The following NVL variants were observed in gnomAD, a reference collection of about 807,000 sequenced individuals.
NVL encodes nuclear VCP like.
In NVL, 84 loss-of-function variants were observed where a neutral mutation model predicts 110.2. The ratio of observed to expected loss-of-function variants is 0.76; its 90% CI spans 0.64 to 0.91. The LOEUF is 0.91. NVL is among the 40% of genes least tolerant of loss of function. NVL has a pLI of 0.00. For missense variants in NVL, 882 were observed against 1,035.9 expected (o/e 0.85, Z 2.04); for synonymous variants, 354 against 361.1 (o/e 0.98, Z 0.22).
chr1:224,306,279 T>G (rs1238425434), intron 6 of NVL, among the ~76,000 whole-genome samples: 2 of 152,134 alleles, frequency 1.3e-5, no homozygotes, highest in African/African-American at 4.8e-5. Context: ...AAAATTTTTT[T>G]TTTTTGAGAC....
At chr1:224,259,458 AT>A (rs1663703051) in intron 18 of NVL, among the ~76,000 whole-genome samples, 1 of 152,160 alleles carries the variant, frequency 6.6e-6, no homozygotes, top group East Asian at 1.9e-4. Flanking sequence ...ACTCAAAACC[AT>A]TGAATGATAT....
intron 6 of NVL, among the ~76,000 whole-genome samples, chr1:224,306,263 TAAA>T (rs1282748495): frequency 8.2e-4 from 124 of 151,830 alleles, no homozygotes; most frequent in Non-Finnish European, 8.8e-5. Flanking sequence ...TTCCAACTCT[TAAA>T]AAAAAATTTT....
At chr1:224,323,372 C>G (rs1349418299) in intron 2 of NVL, among the ~76,000 whole-genome samples, 1 of 152,056 alleles carries the variant, frequency 6.6e-6, no homozygotes, top group Non-Finnish European at 1.5e-5. Context: ...CTCAGTTTAT[C>G]CATATTGTAA....
At chr1:224,269,072 T>C (rs1000941020) in intron 17 of NVL, among the ~76,000 whole-genome samples, 5 of 148,196 alleles carry the variant, frequency 3.4e-5, no homozygotes, top group Admixed American at 2.9e-4. Context: ...ATACCAACTT[T>C]GGTGAGACTA....
At chr1:224,300,977 T>C (rs1291109259) in intron 9 of NVL, among the ~76,000 whole-genome samples, 1 of 151,958 alleles carries the variant, frequency 6.6e-6, no homozygotes, top group Non-Finnish European at 1.5e-5. Flanking sequence ...TGGTGGTGCA[T>C]GCCTATAATC....
chr1:224,302,533 A>G (rs1302066332), intron 9 of NVL, among the ~76,000 whole-genome samples: 1 of 152,134 alleles, frequency 6.6e-6, no homozygotes, highest in Non-Finnish European at 1.5e-5. Flanking sequence ...AGTTACTCGG[A>G]TATTTTACAT....
chr1:224,317,650 A>G, intron 4 of NVL, 44 bp downstream of exon 4: 1 of 1,157,874 alleles, frequency 8.6e-7, no homozygotes, highest in Non-Finnish European at 1.3e-6. Context: ...ATGTAACATG[A>G]TAAAGTTCAT....
intron 10 of NVL, among the ~76,000 whole-genome samples, chr1:224,296,975 A>T (rs1004038462): frequency 6.6e-6 from 1 of 152,178 alleles, no homozygotes; most frequent in African/African-American, 2.4e-5. Flanking sequence ...AAAAAAACTT[A>T]AGACAACAAG....
Position 224,281,171 on chromosome 1 carries a change from C to T in NVL, c.1914G>A (p.Glu638=), listed in dbSNP as rs1181023662. Reference sequence around the variant, plus strand: ...TGACAGATATAAAATTTAGTCCGGACTCATTTGCAACAGCCTAGCAAGAGG... The same window carrying T: ...TGACAGATATAAAATTTAGTCCGGATTCATTTGCAACAGCCTAGCAAGAGG... ...KTLLAKAVAN[E]SGLNFISVKG... is the part of the protein sequence containing the mutation. The change falls in exon 16 of 23, where the codon GAG becomes GAA. Residue 638 remains glutamate, a synonymous_variant. Coordinates refer to ENST00000281701, the MANE Select transcript of NVL (RefSeq NM_002533.4). 3 of 1,613,744 alleles carry T rather than the reference C, an allele frequency of 1.9e-6. No homozygotes were observed. The highest frequency in any genetic ancestry group is 2.5e-6 in the Non-Finnish European group (3 of 1,179,896).
chr1:224,257,486 A>C (rs1223387165), intron 18 of NVL, among the ~76,000 whole-genome samples: 1 of 150,754 alleles, frequency 6.6e-6, no homozygotes, highest in Non-Finnish European at 1.5e-5. Context: ...TTTGCAACAA[A>C]GGTGCTAGGA....
chr1:224,235,931 TG>T (rs1419780928), intron 20 of NVL, among the ~76,000 whole-genome samples: 45 of 50,278 alleles, frequency 9.0e-4, no homozygotes, highest in African/African-American at 1.9e-3. Flanking sequence ...AAACCCTGTA[TG>T]GAAAAAAAAA....
chr1:224,317,833 T>C, intron 3 of NVL, 40 bp from the exon 4 acceptor site: 1 of 1,550,636 alleles, frequency 6.4e-7, no homozygotes, highest in Non-Finnish European at 8.8e-7. Context: ...AAAACAATCG[T>C]TTGTATAACT....
chr1:224,248,938 G>T (rs953035550), intron 19 of NVL, among the ~76,000 whole-genome samples: 1 of 152,194 alleles, frequency 6.6e-6, no homozygotes, highest in Non-Finnish European at 1.5e-5. Flanking sequence ...GCTCCCATGG[G>T]GGGAGGTATC....
intron 4 of NVL, chr1:224,312,783 T>A (rs1261319484): frequency 7.8e-6 from 1 of 128,522 alleles, no homozygotes; most frequent in Non-Finnish European, 1.6e-5. Context: ...ATCGTGCCAC[T>A]ACACTCCAGC....
intron 19 of NVL, among the ~76,000 whole-genome samples, chr1:224,249,741 C>T (rs570170194): frequency 9.5e-4 from 143 of 151,298 alleles, no homozygotes; most frequent in Non-Finnish European, 1.6e-3. Context: ...CAAGACTCTG[C>T]CTCAAAAAAA....
rs538874026 is a variant in NVL at position 224,317,570 on chromosome 1, A to G, written c.284+124T>C. 2.2e-4 allele frequency: 140 copies of G among 633,248 alleles called. 1 individual carries two copies. In the South Asian group the frequency reaches 2.7e-3, roughly 12 times the overall value. 39.2% of individuals were successfully genotyped at this position (633,248 alleles called of 1,614,324 possible). ...GAATAAAGAACATTCAATATGGCTG[A>G]AGAGGTTAGGTAAATATCACGCAGG... On this transcript the variant is annotated intron_variant, in intron 4 of 22. Transcript: ENST00000281701.
intron 19 of NVL, among the ~76,000 whole-genome samples, chr1:224,240,110 C>T (rs1209233673): frequency 6.8e-6 from 1 of 146,562 alleles, no homozygotes; most frequent in Non-Finnish European, 1.5e-5. Context: ...GTCACAGGCC[C>T]AGGCTGGAGT....
At chr1:224,234,312 G>A (rs1004325883) in intron 20 of NVL, among the ~76,000 whole-genome samples, 2 of 152,122 alleles carry the variant, frequency 1.3e-5, no homozygotes, top group African/African-American at 4.8e-5. Flanking sequence ...ATGAGAAAGA[G>A]TTTGAGTTTG....
In NVL at chr1:224,314,990, G is replaced by A. The variant is rs185899804; in HGVS notation, c.284+2704C>T. 2.6e-3 allele frequency among the ~76,000 whole-genome samples: 394 copies of A among 151,800 alleles called. 1 individual carries two copies. Among genetic ancestry groups the A allele is most frequent in the Non-Finnish European group, 4.3e-3 (290 of 67,960 alleles). ...CACGCTATTGCACTCCAGCCTGGGC[G>A]ACAAGAGTGAGACTCCATCTCAAAA... is the stretch of plus-strand genomic sequence containing the variant. On this transcript the variant is annotated intron_variant, in intron 4 of 22. Coordinates refer to ENST00000281701, the MANE Select transcript of NVL (RefSeq NM_002533.4).
Sources: gnomAD v4.1 joint callset for allele counts (sites outside exome capture counted in the v4.1 genomes callset) on GRCh38, gnomAD v4.1.1 for gene constraint, MANE v1.5 for transcripts, NCBI Gene and HGNC (gene_info 2026-07-23, HGNC 2026-07-21) for gene names.